Variants in CNTN5 observed in about 807,000 individuals in gnomAD.
CNTN5 encodes contactin 5.
In CNTN5, 77 loss-of-function variants were observed where a neutral mutation model predicts 129.1. The ratio of observed to expected loss-of-function variants is 0.60; its 90% CI spans 0.50 to 0.72. The LOEUF (loss-of-function observed/expected upper bound fraction) is 0.72, where lower values mean the gene tolerates loss of function less well. Ranked by LOEUF, CNTN5 falls within the 30% of genes least tolerant of loss-of-function variation. The probability of loss-of-function intolerance (pLI) is 0.00; values close to 1 mark genes in which losing one functional copy is unlikely to be tolerated. For missense variants in CNTN5, 1,478 were observed against 1,328.8 expected (o/e 1.11, Z -1.75); for synonymous variants, 509 against 465.6 (o/e 1.09, Z -1.20).
At chr11:99,651,738 C>T (rs778580658) in intron 3 of CNTN5, among the ~76,000 whole-genome samples, 14 of 152,026 alleles carry the variant, frequency 9.2e-5, no homozygotes, top group East Asian at 1.9e-4. Flanking sequence ...ACCCTATCAA[C>T]GGCCTCAGGA....
intron 1 of CNTN5, among the ~76,000 whole-genome samples, chr11:99,064,478 A>G (rs868342473): frequency 9.9e-5 from 15 of 152,148 alleles, no homozygotes; most frequent in African/African-American, 3.6e-4. Flanking sequence ...TTATCAGAGA[A>G]CAGTCAAAAG....
intron 3 of CNTN5, among the ~76,000 whole-genome samples, chr11:99,749,996 T>C (rs1944178579): frequency 6.6e-6 from 1 of 152,184 alleles, no homozygotes; most frequent in South Asian, 2.1e-4. Context: ...CCATCTACCA[T>C]TCATGTATAA....
chr11:99,186,378 T>G (rs1172971669), intron 1 of CNTN5, among the ~76,000 whole-genome samples: 3 of 151,984 alleles, frequency 2.0e-5, no homozygotes, highest in Non-Finnish European at 4.4e-5. Flanking sequence ...TCAGCTCTGC[T>G]TTTATTGGGC....
Position 99,493,662 on chromosome 11 carries a change from TAAG to T in CNTN5, c.-70-62477_-70-62475del, listed in dbSNP as rs561461309. On this transcript the variant is annotated intron_variant, in intron 2 of 24. Coordinates refer to ENST00000524871, the MANE Select transcript of CNTN5 (RefSeq NM_014361.4). The stretch of plus-strand genomic sequence containing the variant: ...ATATGATATGAGTAAAATTAAATGT[TAAG>T]AAGAAAAGGCAGGGTAAAGGGATAG... Among the ~76,000 whole-genome samples the T allele has an allele frequency of 3.5e-3, 529 of 152,260 alleles. 2 individuals carry two copies. The highest frequency in any genetic ancestry group is 0.01 in the Middle Eastern group (3 of 294).
chr11:99,037,388 G>T (rs772788525), intron 1 of CNTN5, among the ~76,000 whole-genome samples: 2 of 151,958 alleles, frequency 1.3e-5, no homozygotes, highest in Non-Finnish European at 2.9e-5. Flanking sequence ...TTCCATTAAG[G>T]AGTTCTATAA....
chr11:100,045,743 C>A, intron 9 of CNTN5, among the ~76,000 whole-genome samples: 1 of 148,768 alleles, frequency 6.7e-6, no homozygotes, highest in Admixed American at 6.7e-5. Flanking sequence ...AAGAGTTCTG[C>A]TAGAAATCTA....
At chr11:100,285,392 A>G (rs1950756129) in intron 18 of CNTN5, among the ~76,000 whole-genome samples, 1 of 152,118 alleles carries the variant, frequency 6.6e-6, no homozygotes, top group Non-Finnish European at 1.5e-5. Context: ...CACTAGAACA[A>G]CAGGAGAGTC....
At chr11:100,060,631 AT>A (rs1043386260) in intron 9 of CNTN5, among the ~76,000 whole-genome samples, 20 of 124,358 alleles carry the variant, frequency 1.6e-4, no homozygotes, top group South Asian at 9.0e-4. Flanking sequence ...AAACATAACA[AT>A]TTTTTTTCTT....
intron 3 of CNTN5, among the ~76,000 whole-genome samples, chr11:99,745,469 C>A (rs1277550086): frequency 6.6e-6 from 1 of 152,180 alleles, no homozygotes; most frequent in Non-Finnish European, 1.5e-5. Context: ...AATAGTAGTA[C>A]TACCATGCTC....
intron 2 of CNTN5, among the ~76,000 whole-genome samples, chr11:99,544,036 C>A (rs888832026): frequency 1.3e-5 from 2 of 150,904 alleles, no homozygotes; most frequent in African/African-American, 4.9e-5. Flanking sequence ...GTTAAGAATA[C>A]CTGAAGTTGC....
intron 2 of CNTN5, among the ~76,000 whole-genome samples, chr11:99,507,375 CAA>C (rs35059394): frequency 9.2e-5 from 8 of 87,414 alleles, no homozygotes; most frequent in African/African-American, 2.4e-4. Flanking sequence ...GACTCTGTCT[CAA>C]AAAAAAAAAA....
At chr11:99,217,262 G>A (rs1324053299) in intron 1 of CNTN5, among the ~76,000 whole-genome samples, 1 of 82,418 alleles carries the variant, frequency 1.2e-5, no homozygotes, top group East Asian at 8.6e-4. Flanking sequence ...TAAAATATCG[G>A]CAAAAGATCT....
rs1863018281 is a variant in CNTN5, at chr11:99,268,585, G to A, written c.-209-56761G>A. Among the ~76,000 whole-genome samples the A allele has an allele frequency of 2.6e-5, 4 of 151,890 alleles. No homozygotes were observed. In the Admixed American group the frequency reaches 2.6e-4, roughly 10 times the overall value. ...CATTGCGTTTTAGGTAAAGAAGTGA[G>A]AAGTCATAGTATCTTTAATGTGCAA... is the stretch of plus-strand genomic sequence containing the variant. On this transcript the variant is annotated intron_variant, in intron 1 of 24. Coordinates refer to ENST00000524871, the MANE Select transcript of CNTN5 (RefSeq NM_014361.4).
intron 2 of CNTN5, among the ~76,000 whole-genome samples, chr11:99,433,301 C>T (rs912583752): frequency 1.3e-4 from 19 of 151,042 alleles, no homozygotes; most frequent in African/African-American, 3.7e-4. Context: ...TACTGACTGA[C>T]TGATTTCAGA....
chr11:99,792,573 G>GTC (rs1555113490), intron 3 of CNTN5, among the ~76,000 whole-genome samples: 5,991 of 116,656 alleles, frequency 0.051, 166 homozygotes, highest in South Asian at 0.077. Context: ...GTGTGTGTGT[G>GTC]TGTCTGTCTG....
intron 1 of CNTN5, among the ~76,000 whole-genome samples, chr11:99,130,532 T>A (rs1435887333): frequency 1.3e-5 from 2 of 152,140 alleles, no homozygotes; most frequent in Non-Finnish European, 2.9e-5. Context: ...TGTAATGCCC[T>A]ACTGTCAGTA....
At chr11:99,570,726 C>T (rs1174711173) in intron 3 of CNTN5, among the ~76,000 whole-genome samples, 2 of 152,020 alleles carry the variant, frequency 1.3e-5, no homozygotes, top group Non-Finnish European at 1.5e-5. Context: ...CAAGAAATAA[C>T]ATAATATCTA....
intron 6 of CNTN5, among the ~76,000 whole-genome samples, chr11:99,908,701 GC>G (rs2135980987): frequency 6.6e-6 from 1 of 152,138 alleles, no homozygotes; most frequent in South Asian, 2.1e-4. Flanking sequence ...TGTTGAAGTA[GC>G]TTTTTGTAAC....
At chr11:99,949,291 C>T (rs1051356767) in intron 7 of CNTN5, among the ~76,000 whole-genome samples, 1 of 152,166 alleles carries the variant, frequency 6.6e-6, no homozygotes, top group Non-Finnish European at 1.5e-5. Context: ...GCTGAGATTA[C>T]CTTTGTCATG....
Sources: gnomAD v4.1 joint callset for allele counts (sites outside exome capture counted in the v4.1 genomes callset) on GRCh38, gnomAD v4.1.1 for gene constraint, MANE v1.5 for transcripts, NCBI Gene and HGNC (gene_info 2026-07-23, HGNC 2026-07-21) for gene names.